The following HOOK1 variants were observed in gnomAD, a reference collection of about 807,000 sequenced individuals.
HOOK1 encodes the protein hook microtubule tethering protein 1.
HOOK1 carries 60 observed loss-of-function variants against 112.8 expected under a neutral mutation model. The ratio of observed to expected loss-of-function variants is 0.53; its 90% CI spans 0.43 to 0.66. HOOK1 has a LOEUF of 0.66. Ranked by LOEUF, HOOK1 falls within the 30% of genes least tolerant of loss-of-function variation. HOOK1 has a pLI of 0.00. For missense variants in HOOK1, 770 were observed against 856.0 expected (o/e 0.90, Z 1.25); for synonymous variants, 294 against 283.8 (o/e 1.04, Z -0.36).
chr1:59,858,576 C>G lies in HOOK1; in HGVS notation c.1330+61C>G, dbSNP rs931166166. 3.6e-6 allele frequency: 4 copies of G among 1,105,414 alleles called. No homozygotes were observed. In the African/African-American group the frequency reaches 6.2e-5, roughly 17 times the overall value. The allele number at this position is 1,105,414 out of a possible 1,614,324, so 68.5% of individuals were successfully genotyped here. On this transcript the variant is annotated intron_variant, in intron 13 of 21. Transcript: ENST00000371208. ...GGCAGCATAGTGGGACTCCATTCAACAAAAAATAAAAACTTAACCTGTCAT... is the reference window on the plus strand; with the variant it reads ...GGCAGCATAGTGGGACTCCATTCAAGAAAAAATAAAAACTTAACCTGTCAT...
chr1:59,843,408 TATGTATGTGTA>T lies in HOOK1; in HGVS notation c.622-23_622-13del. 2 of 1,544,976 alleles carry T rather than the reference TATGTATGTGTA, an allele frequency of 1.3e-6. No individual in the cohort carries two copies. Among genetic ancestry groups the T allele is most frequent in the Non-Finnish European group, 1.8e-6 (2 of 1,133,570 alleles). On this transcript the variant is annotated splice_polypyrimidine_tract_variant and intron_variant, in intron 8 of 21. Transcript: ENST00000371208. ...TTTTTGTTTTTTTTCTACTGGTGCTTATGTATGTGTATTTGTTTCTTAGGTGACTACACTTC... is the reference window on the plus strand; with the variant it reads ...TTTTTGTTTTTTTTCTACTGGTGCTTTTTGTTTCTTAGGTGACTACACTTC...
At chr1:59,868,566 G>A (rs185069437) in intron 20 of HOOK1, among the ~76,000 whole-genome samples, 13 of 152,296 alleles carry the variant, frequency 8.5e-5, no homozygotes, top group Admixed American at 4.6e-4. Flanking sequence ...CGTTGTAGTT[G>A]TAGCTCTTCT....
At chr1:59,847,017 T>G (rs1462248211) in intron 9 of HOOK1, 28 bp from the exon 10 acceptor site, 1 of 1,553,680 alleles carries the variant, frequency 6.4e-7, no homozygotes, top group Admixed American at 2.1e-5. Flanking sequence ...ATGGAAGTTA[T>G]AAATACTTAC....
At chr1:59,854,030 ATATATATATTTTTTTTTTTTTTT>A (rs1348404384) in intron 12 of HOOK1, among the ~76,000 whole-genome samples, 20 of 24,240 alleles carry the variant, frequency 8.3e-4, no homozygotes, top group African/African-American at 3.8e-3. Flanking sequence ...ATATATATAT[ATATATATATTTTTTTTTTTTTTT>A]TTTTTTTTTT....
chr1:59,834,044 G>A (rs928713930), intron 5 of HOOK1, among the ~76,000 whole-genome samples: 1 of 152,166 alleles, frequency 6.6e-6, no homozygotes, highest in Non-Finnish European at 1.5e-5. Context: ...TCCAAACACA[G>A]TGATCCATAT....
intron 9 of HOOK1, 147 bp from the exon 10 acceptor site, chr1:59,846,898 G>C: frequency 1.9e-6 from 1 of 514,322 alleles, no homozygotes; most frequent in Non-Finnish European, 3.3e-6. Flanking sequence ...CAGTCTTTTG[G>C]CATTTATTGA....
Position 59,843,454 on chromosome 1 carries a change from A to G in HOOK1, c.644A>G (p.Lys215Arg). The G allele has an allele frequency of 1.2e-6, 2 of 1,610,054 alleles. No individual in the cohort carries two copies. The highest frequency in any genetic ancestry group is 1.7e-4 in the Middle Eastern group (1 of 6,002). Residue 215 changes from lysine to arginine, a missense_variant, in exon 9 of 22, where the codon AAG becomes AGG. Lys to Arg is a conservative substitution (Grantham distance 26, BLOSUM62 2). This residue lies in a region of HOOK1 where 655 missense variants were observed against 725.9 expected (regional missense o/e 0.90). Coordinates refer to ENST00000371208, the MANE Select transcript of HOOK1 (RefSeq NM_015888.6). Reference protein sequence around the residue: ...DMQVTTLQDEKNSLVSENEMM... With the variant: ...DMQVTTLQDERNSLVSENEMM... ...TAGGTGACTACACTTCAAGATGAAA[A>G]GAATTCACTGGTTTCTGAAAATGAG... is the stretch of plus-strand genomic sequence containing the variant.
intron 2 of HOOK1, among the ~76,000 whole-genome samples, chr1:59,828,522 C>A (rs1449393736): frequency 6.6e-6 from 1 of 152,032 alleles, no homozygotes; most frequent in Non-Finnish European, 1.5e-5. Flanking sequence ...TGGTTTTTTA[C>A]CTCTTCACGG....
chr1:59,834,275 G>A (rs2098396061), intron 5 of HOOK1, among the ~76,000 whole-genome samples: 1 of 152,274 alleles, frequency 6.6e-6, no homozygotes, highest in African/African-American at 2.4e-5. Context: ...AATACTTCAA[G>A]CCAGGGCCTT....
chr1:59,840,679 A>C (rs2098400586), intron 8 of HOOK1, among the ~76,000 whole-genome samples: 1 of 152,094 alleles, frequency 6.6e-6, no homozygotes, highest in Non-Finnish European at 1.5e-5. Context: ...TAAAATGGGA[A>C]AGTTAAAGTT....
At chr1:59,822,983 T>C (rs2098386717) in intron 2 of HOOK1, among the ~76,000 whole-genome samples, 1 of 152,222 alleles carries the variant, frequency 6.6e-6, no homozygotes, top group Non-Finnish European at 1.5e-5. Context: ...TGACAGTTAT[T>C]GTAAAACATA....
chr1:59,870,587 C>G (rs1247454816), intron 20 of HOOK1, among the ~76,000 whole-genome samples: 1 of 152,148 alleles, frequency 6.6e-6, no homozygotes, highest in African/African-American at 2.4e-5. Flanking sequence ...AGTACACAGA[C>G]CACCAACAAT....
Position 59,835,327 on chromosome 1 carries a change from G to C in HOOK1, c.407-18G>C, listed in dbSNP as rs372687699. 1.1e-5 allele frequency: 16 copies of C among 1,469,364 alleles called. 1 individual carries two copies. The highest frequency in any genetic ancestry group is 2.3e-5 in the South Asian group (2 of 86,060). 91.0% of individuals were successfully genotyped at this position (1,469,364 alleles called of 1,614,324 possible). A position where few individuals can be genotyped will look rare whatever the true frequency, so the allele number is the denominator to read the frequency against. Reference sequence around the variant, plus strand: ...TAAAGAGTAGATTTTTTTCAGATTTGATTTTTTTAAATCATAGAACATATT... The same window carrying C: ...TAAAGAGTAGATTTTTTTCAGATTTCATTTTTTTAAATCATAGAACATATT... On this transcript the variant is annotated intron_variant, in intron 5 of 21. Transcript: ENST00000371208.
At position 59,815,160 on chromosome 1, in the gene HOOK1, TGCGACA is replaced by T; in HGVS notation, c.46_51del (p.Asp16_Ser17del). The T allele has an allele frequency of 6.5e-7, 1 of 1,543,810 alleles. No individual in the cohort carries two copies. The highest frequency in any genetic ancestry group is 8.7e-7 in the Non-Finnish European group (1 of 1,146,546). The stretch of plus-strand genomic sequence containing the variant: ...GCCGCCGCAGCCTAAGCTGCCCCTG[TGCGACA>T]GCCTCATGATCTGGGTGAGTGCGAG... On this transcript the variant is annotated inframe_deletion, in exon 1 of 22. Transcript: ENST00000371208.
chr1:59,872,744 C>A, intron 21 of HOOK1, 51 bp from the exon 22 acceptor site: 1 of 1,259,800 alleles, frequency 7.9e-7, no homozygotes, highest in Non-Finnish European at 1.0e-6. Context: ...AAGCACTCGG[C>A]AAACTCTGTT....
At chr1:59,851,057 A>G (rs1488029553) in intron 12 of HOOK1, among the ~76,000 whole-genome samples, 6 of 151,540 alleles carry the variant, frequency 4.0e-5, no homozygotes, top group Non-Finnish European at 7.4e-5. Flanking sequence ...CCACACTCAT[A>G]TATTGATTAT....
chr1:59,836,971 C>T (rs1171838344), intron 7 of HOOK1, 36 bp downstream of exon 7: 3 of 1,344,740 alleles, frequency 2.2e-6, no homozygotes, highest in Non-Finnish European at 3.2e-6. Flanking sequence ...ATGTTGAAAG[C>T]AATGTTAGGG....
chr1:59,821,583 A>T (rs1381303152), intron 1 of HOOK1, among the ~76,000 whole-genome samples: 1 of 152,222 alleles, frequency 6.6e-6, no homozygotes, highest in Non-Finnish European at 1.5e-5. Context: ...GTTTTGTATT[A>T]TTCCAAATTA....
chr1:59,850,726 A>C (rs1169627604), intron 12 of HOOK1, among the ~76,000 whole-genome samples: 3 of 151,546 alleles, frequency 2.0e-5, no homozygotes, highest in Non-Finnish European at 4.4e-5. Context: ...AGGGTGTATA[A>C]CAAAAAGAGT....
Sources: allele counts gnomAD v4.1 joint callset (sites outside exome capture counted in the v4.1 genomes callset), GRCh38; gene constraint gnomAD v4.1.1; regional missense constraint gnomAD v4.1.1; transcripts MANE v1.5; gene names NCBI Gene and HGNC (gene_info 2026-07-23, HGNC 2026-07-21).